Variants in EXOC6 observed in about 807,000 individuals in gnomAD.
EXOC6 encodes the protein exocyst complex component 6.
In EXOC6, 60 loss-of-function variants were observed where a neutral mutation model predicts 112.5. The ratio of observed to expected loss-of-function variants is 0.53; its 90% CI spans 0.43 to 0.66. EXOC6 has a LOEUF of 0.66. EXOC6 is among the 30% of genes least tolerant of loss of function. The pLI is 0.00. For synonymous variants in EXOC6, 295 were observed against 308.0 expected, an observed-to-expected ratio of 0.96 and a Z score of 0.44; for missense variants, 855 against 957.1, an observed-to-expected ratio of 0.89 and a Z score of 1.41.
At chr10:92,838,854 T>C (rs1378334686) in intron 1 of EXOC6, among the ~76,000 whole-genome samples, 1 of 152,052 alleles carries the variant, frequency 6.6e-6, no homozygotes, top group Admixed American at 6.5e-5. Context: ...GCCAGCTCAC[T>C]TGAGGTCAAG....
intron 19 of EXOC6, among the ~76,000 whole-genome samples, chr10:93,011,883 A>G (rs1205083309): frequency 6.6e-6 from 1 of 152,196 alleles, no homozygotes; most frequent in Non-Finnish European, 1.5e-5. Context: ...ATGAAAGTAT[A>G]CCACTTATTG....
intron 1 of EXOC6, among the ~76,000 whole-genome samples, chr10:92,840,061 T>C (rs985676949): frequency 1.3e-5 from 2 of 152,108 alleles, no homozygotes; most frequent in African/African-American, 2.4e-5. Context: ...GGATATCATA[T>C]TTCTTTGACT....
upstream of EXOC6, among the ~76,000 whole-genome samples, chr10:92,846,769 C>A (rs745982636): frequency 1.3e-5 from 2 of 152,214 alleles, no homozygotes; most frequent in Middle Eastern, 3.4e-3. Context: ...ATCCCTGGAA[C>A]CTGTGCATAT....
In EXOC6 at chr10:92,986,583, C is replaced by T. The variant is rs567907131; in HGVS notation, c.1954-10891C>T. Among the ~76,000 whole-genome samples, 7 of 149,652 alleles carry T rather than the reference C, an allele frequency of 4.7e-5. No homozygotes were observed. In the South Asian group the frequency reaches 1.5e-3, roughly 31 times the overall value. On this transcript the variant is annotated intron_variant, in intron 18 of 21. Transcript: ENST00000260762. Reference sequence around the variant, plus strand: ...TATGGAGGGGGACCTTCAGTCTAGGCGATACTGGAAGTTCAGCTTCCACTA... The same window carrying T: ...TATGGAGGGGGACCTTCAGTCTAGGTGATACTGGAAGTTCAGCTTCCACTA...
At chr10:92,874,674 A>C (rs1331882779) in intron 1 of EXOC6, among the ~76,000 whole-genome samples, 1 of 152,202 alleles carries the variant, frequency 6.6e-6, no homozygotes, top group Non-Finnish European at 1.5e-5. Context: ...TTAAGAAAAA[A>C]TGAAAAAATA....
chr10:92,892,586 A>C (rs942833024), intron 1 of EXOC6, among the ~76,000 whole-genome samples: 2 of 152,330 alleles, frequency 1.3e-5, no homozygotes, highest in Non-Finnish European at 2.9e-5. Context: ...TTGGCAGTCA[A>C]AGCCTTCCAG....
At position 92,984,789 on chromosome 10, in the gene EXOC6, A is replaced by G. The variant is rs145613584; in HGVS notation, c.1953+10557A>G. The stretch of plus-strand genomic sequence containing the variant: ...TCCAGGTTTTAGTATCTGTTTTAAA[A>G]TTTGAATTCTTCAGCCTGGGCAATG... On this transcript the variant is annotated intron_variant, in intron 18 of 21. Coordinates refer to ENST00000260762, the MANE Select transcript of EXOC6 (RefSeq NM_019053.6). Among the ~76,000 whole-genome samples the G allele has an allele frequency of 3.2e-3, 485 of 152,124 alleles. 7 individuals carry two copies. Among genetic ancestry groups the G allele is most frequent in the African/African-American group, 0.011 (457 of 41,520 alleles).
chr10:92,913,135 A>G (rs549551345), intron 6 of EXOC6, among the ~76,000 whole-genome samples: 6 of 152,272 alleles, frequency 3.9e-5, no homozygotes, highest in South Asian at 2.1e-4. Flanking sequence ...TTCCATAGCA[A>G]TAGTTTCAGG....
chr10:92,834,887 C>T lies in EXOC6; in HGVS notation c.86+63C>T, dbSNP rs1473960380. On this transcript the variant is annotated intron_variant, in intron 1 of 21. Transcript: ENST00000371552. ...GGTGATAAGGTGGTCCTTTACCCTG[C>T]TTTTTATAATTCTTTATAAGAGTAA... is the stretch of plus-strand genomic sequence containing the variant. 7.5e-6 allele frequency: 7 copies of T among 939,056 alleles called. No individual in the cohort carries two copies. In the East Asian group the frequency reaches 1.5e-4, roughly 20 times the overall value. 58.2% of individuals were successfully genotyped at this position (939,056 alleles called of 1,614,324 possible).
intron 20 of EXOC6, among the ~76,000 whole-genome samples, chr10:93,023,363 C>T (rs565566733): frequency 3.9e-5 from 6 of 152,134 alleles, no homozygotes; most frequent in Non-Finnish European, 8.8e-5. Flanking sequence ...GATAGATCAT[C>T]GGGATTGCCC....
chr10:93,030,654 C>G (rs970044628), intron 20 of EXOC6, among the ~76,000 whole-genome samples: 1 of 152,118 alleles, frequency 6.6e-6, no homozygotes, highest in African/African-American at 2.4e-5. Context: ...GAGCCACAGT[C>G]TGCAAGTATG....
chr10:92,907,801 A>G (rs996993447), intron 5 of EXOC6, among the ~76,000 whole-genome samples: 36 of 152,094 alleles, frequency 2.4e-4, no homozygotes, highest in African/African-American at 8.7e-4. Context: ...CAAGCCTTTA[A>G]TATCTCAGGT....
intron 12 of EXOC6, among the ~76,000 whole-genome samples, chr10:92,936,551 C>T (rs1291364777): frequency 2.6e-5 from 4 of 152,184 alleles, no homozygotes; most frequent in East Asian, 3.9e-4. Flanking sequence ...GCCGAGATCG[C>T]GCCACTGCGC....
chr10:92,901,832 T>C, intron 5 of EXOC6: 1 of 104,120 alleles, frequency 9.6e-6, no homozygotes, highest in South Asian at 4.0e-4. Flanking sequence ...ACCCCATCTC[T>C]ACTGAAAAAA....
At chr10:92,955,932 T>C (rs557296652) in intron 17 of EXOC6, among the ~76,000 whole-genome samples, 1 of 152,274 alleles carries the variant, frequency 6.6e-6, no homozygotes, top group East Asian at 1.9e-4. Flanking sequence ...CTACAGTGTA[T>C]TATGCTTTGT....
intron 1 of EXOC6, among the ~76,000 whole-genome samples, chr10:92,879,616 C>T (rs1423887295): frequency 1.3e-5 from 2 of 152,042 alleles, no homozygotes; most frequent in Non-Finnish European, 2.9e-5. Flanking sequence ...ATGAAGAAGA[C>T]AAGTAAAATA....
At chr10:92,994,429 G>A (rs180888810) in intron 18 of EXOC6, among the ~76,000 whole-genome samples, 26 of 152,286 alleles carry the variant, frequency 1.7e-4, no homozygotes, top group Middle Eastern at 3.4e-3. Context: ...CTCTTTGCAA[G>A]TTGTTTTCAG....
chr10:93,000,190 C>T (rs755042904), intron 19 of EXOC6, among the ~76,000 whole-genome samples: 2 of 152,070 alleles, frequency 1.3e-5, no homozygotes, highest in African/African-American at 4.8e-5. Flanking sequence ...AATAACTAAA[C>T]GATTAAACTA....
chr10:92,918,717 C>G (rs1291038998), intron 7 of EXOC6, among the ~76,000 whole-genome samples: 1 of 152,154 alleles, frequency 6.6e-6, no homozygotes, highest in Non-Finnish European at 1.5e-5. Flanking sequence ...AGCCACCACA[C>G]CCAGCCACTA....
Sources: gnomAD v4.1 joint callset for allele counts (sites outside exome capture counted in the v4.1 genomes callset) on GRCh38, gnomAD v4.1.1 for gene constraint, MANE v1.5 for transcripts, NCBI Gene and HGNC (gene_info 2026-07-23, HGNC 2026-07-21) for gene names.